The following MKLN1 variants were observed in gnomAD, a reference collection of about 807,000 sequenced individuals.
The protein encoded by MKLN1 is muskelin 1.
MKLN1 carries 18 observed loss-of-function variants against 99.0 expected under a neutral mutation model. The ratio of observed to expected loss-of-function variants is 0.18; its 90% confidence interval spans 0.13 to 0.27. MKLN1 has a LOEUF of 0.27. MKLN1 is among the 10% of genes least tolerant of loss of function. MKLN1 has a pLI of 1.00. For missense variants in MKLN1, 621 were observed against 875.9 expected (o/e 0.71, Z 3.67); for synonymous variants, 288 against 293.2 (o/e 0.98, Z 0.18).
chr7:131,249,859 A>G (rs559164588), intron 3 of MKLN1, among the ~76,000 whole-genome samples: 1 of 152,162 alleles, frequency 6.6e-6, no homozygotes, highest in South Asian at 2.1e-4. Context: ...CTCAGATTAT[A>G]AGTGTCCTCT....
At chr7:131,222,000 G>A (rs972032075) in intron 3 of MKLN1, among the ~76,000 whole-genome samples, 4 of 151,732 alleles carry the variant, frequency 2.6e-5, no homozygotes, top group African/African-American at 9.7e-5. Context: ...CCGCCTCCTG[G>A]GTTCAAGCAA....
chr7:131,243,788 T>C (rs35086142), intron 3 of MKLN1, among the ~76,000 whole-genome samples: 33,295 of 152,006 alleles, frequency 0.22, 4,808 homozygotes, highest in East Asian at 0.47. Flanking sequence ...CCAAGGTGGG[T>C]GGATCACCTG....
intron 3 of MKLN1, among the ~76,000 whole-genome samples, chr7:131,225,959 C>T (rs1272142392): frequency 6.6e-6 from 1 of 152,164 alleles, no homozygotes; most frequent in Non-Finnish European, 1.5e-5. Flanking sequence ...GGGCTGGTGG[C>T]AGCCCCAGCC....
intron 1 of MKLN1, among the ~76,000 whole-genome samples, chr7:131,374,429 C>T (rs1793572370): frequency 1.3e-5 from 2 of 152,136 alleles, no homozygotes; most frequent in Non-Finnish European, 2.9e-5. Flanking sequence ...GCACTGATGT[C>T]ACTGATTCTA....
intron 10 of MKLN1, among the ~76,000 whole-genome samples, chr7:131,442,502 A>G (rs565916705): frequency 9.2e-5 from 14 of 152,298 alleles, no homozygotes; most frequent in African/African-American, 3.4e-4. Flanking sequence ...AGCCAAGCTC[A>G]TGCTGTTGCA....
intron 3 of MKLN1, among the ~76,000 whole-genome samples, chr7:131,303,255 T>C (rs1237857152): frequency 6.6e-6 from 1 of 152,212 alleles, no homozygotes; most frequent in Non-Finnish European, 1.5e-5. Flanking sequence ...ACGGATGAAT[T>C]CTGTCTGATT....
intron 3 of MKLN1, among the ~76,000 whole-genome samples, chr7:131,247,235 CTTTT>C (rs72068521): frequency 2.1e-5 from 3 of 141,146 alleles, no homozygotes; most frequent in South Asian, 2.3e-4. Flanking sequence ...TTTCTTTTTT[CTTTT>C]TTTTTTTTTT....
rs568421617 is a variant in MKLN1 at position 131,402,980 on chromosome 7, T to C, written c.703+3547T>C. Among the ~76,000 whole-genome samples, 9 of 152,240 alleles carry C rather than the reference T, an allele frequency of 5.9e-5. No homozygotes were observed. In the South Asian group the frequency reaches 1.9e-3, roughly 32 times the overall value. The stretch of plus-strand genomic sequence containing the variant: ...TTCCGCTTAAAGTCACTAGCTGCAT[T>C]AAACCCTTGCAAGACAGTCACACTA... On this transcript the variant is annotated intron_variant, in intron 6 of 17. Transcript: ENST00000352689.
chr7:131,252,184 T>C (rs1797590934), intron 3 of MKLN1, among the ~76,000 whole-genome samples: 1 of 152,108 alleles, frequency 6.6e-6, no homozygotes, highest in Non-Finnish European at 1.5e-5. Context: ...CCCGGACAGA[T>C]ACCTCACAGA....
At chr7:131,390,333 T>G (rs1794161901) in intron 4 of MKLN1, among the ~76,000 whole-genome samples, 1 of 152,216 alleles carries the variant, frequency 6.6e-6, no homozygotes, top group Non-Finnish European at 1.5e-5. Context: ...GGTTATTTAC[T>G]TCTTTTGCAC....
At chr7:131,138,526 G>C (rs1347826745) in intron 1 of MKLN1, among the ~76,000 whole-genome samples, 2 of 152,138 alleles carry the variant, frequency 1.3e-5, no homozygotes, top group African/African-American at 4.8e-5. Context: ...TGTTGTTACT[G>C]TAAATTAGAT....
chr7:131,168,440 C>A (rs2116328441), intron 2 of MKLN1, among the ~76,000 whole-genome samples: 1 of 152,274 alleles, frequency 6.6e-6, no homozygotes, highest in East Asian at 1.9e-4. Context: ...TGCACCTTGA[C>A]AATCTTTATG....
chr7:131,244,081 T>C (rs1797448260), intron 3 of MKLN1, among the ~76,000 whole-genome samples: 1 of 151,766 alleles, frequency 6.6e-6, no homozygotes, highest in African/African-American at 2.4e-5. Flanking sequence ...CTAAAGAAAG[T>C]CAAAAGAGGC....
At chr7:131,391,365 A>T (rs1227442981) in intron 4 of MKLN1, among the ~76,000 whole-genome samples, 1 of 152,256 alleles carries the variant, frequency 6.6e-6, no homozygotes, top group Admixed American at 6.5e-5. Context: ...TTCTCAATTT[A>T]GTCAGCCTTC....
In MKLN1 at chr7:131,443,548, G is replaced by A; in HGVS notation, c.1241G>A (p.Ser414Asn). The A allele has an allele frequency of 6.2e-7, 1 of 1,614,102 alleles. No individual in the cohort carries two copies. Among genetic ancestry groups the A allele is most frequent in the Non-Finnish European group, 8.5e-7 (1 of 1,179,966 alleles). ...FGGRILTCNG[S>N]VDDSRASEPQ... ...GGTAGAATTTTGACTTGTAATGGCA[G>A]CGTAGATGACAGCAGAGCCAGTGAA... The change falls in exon 11 of 18, where the codon AGC becomes AAC. Residue 414 changes from serine to asparagine, a missense_variant. Coordinates refer to ENST00000352689, the MANE Select transcript of MKLN1 (RefSeq NM_013255.5).
At chr7:131,125,018 G>C (rs556943180) in intron 1 of MKLN1, among the ~76,000 whole-genome samples, 2 of 152,278 alleles carry the variant, frequency 1.3e-5, no homozygotes, top group East Asian at 3.9e-4. Context: ...GTGCTCTAGG[G>C]AGCATCCCCC....
At chr7:131,249,976 T>C (rs968230004) in intron 3 of MKLN1, among the ~76,000 whole-genome samples, 1 of 152,134 alleles carries the variant, frequency 6.6e-6, no homozygotes. Flanking sequence ...GAGGACGTTT[T>C]CTCAGTGGTT....
chr7:131,282,347 C>T (rs1381744386), intron 3 of MKLN1, among the ~76,000 whole-genome samples: 1 of 109,456 alleles, frequency 9.1e-6, no homozygotes, highest in Non-Finnish European at 1.8e-5. Flanking sequence ...GAAACTCCGT[C>T]TCAAAAAAAA....
Position 131,271,415 on chromosome 7 carries a change from G to A in MKLN1, c.-179+68441G>A, listed in dbSNP as rs185717007. Among the ~76,000 whole-genome samples the A allele has an allele frequency of 8.5e-5, 13 of 152,056 alleles. 1 individual carries two copies. Among genetic ancestry groups the A allele is most frequent in the African/African-American group, 1.7e-4 (7 of 41,444 alleles). On this transcript the variant is annotated intron_variant, in intron 3 of 7. Coordinates refer to the MKLN1 transcript ENST00000416992. Reference sequence around the variant, plus strand: ...AGGCAGATCATGAGGTCAGGAGATCGAGACCATCCTCGCTAACACGGTGAA... The same window carrying A: ...AGGCAGATCATGAGGTCAGGAGATCAAGACCATCCTCGCTAACACGGTGAA...
Sources: gnomAD v4.1 joint callset for allele counts (sites outside exome capture counted in the v4.1 genomes callset) on GRCh38, gnomAD v4.1.1 for gene constraint, MANE v1.5 for transcripts, NCBI Gene and HGNC (gene_info 2026-07-23, HGNC 2026-07-21) for gene names.